CD109: variants seen among roughly 807,000 people sequenced by gnomAD.
The protein encoded by CD109 is CD109 antigen.
In CD109, 149 loss-of-function variants were observed where a neutral mutation model predicts 165.8. That is an observed-to-expected ratio of 0.90 (90% CI 0.79 to 1.03). CD109 has a LOEUF of 1.03. CD109 is among the 50% of genes least tolerant of loss of function. The probability of loss-of-function intolerance (pLI) is 0.00; values close to 1 mark genes in which losing one functional copy is unlikely to be tolerated. For missense variants in CD109, 1,712 were observed against 1,677.8 expected (o/e 1.02, Z -0.36); for synonymous variants, 585 against 592.1 (o/e 0.99, Z 0.18).
At chr6:73,802,289 G>GTATATATA (rs1554183442) in intron 23 of CD109, among the ~76,000 whole-genome samples, 31 of 78,198 alleles carry the variant, frequency 4.0e-4, no homozygotes, top group South Asian at 1.2e-3. Context: ...GTGTGTGTGT[G>GTATATATA]TATATATATA....
At chr6:73,696,894 A>G (rs918703591) in intron 1 of CD109, among the ~76,000 whole-genome samples, 2 of 152,236 alleles carry the variant, frequency 1.3e-5, no homozygotes, top group Admixed American at 1.3e-4. Flanking sequence ...TTCAAATGGT[A>G]TATTTCAATC....
At chr6:73,781,748 T>TACAC (rs71845700) in intron 17 of CD109, among the ~76,000 whole-genome samples, 3,994 of 145,658 alleles carry the variant, frequency 0.027, 151 homozygotes, top group African/African-American at 0.092. Flanking sequence ...AGTATTCTGG[T>TACAC]ACACACACAC....
chr6:73,679,914 C>T, the CD109 span, among the ~76,000 whole-genome samples: 2 of 152,082 alleles, frequency 1.3e-5, no homozygotes, highest in South Asian at 2.1e-4. Context: ...GGATTACAGG[C>T]GTGTGTGACT....
intron 15 of CD109, among the ~76,000 whole-genome samples, chr6:73,774,783 A>C (rs990757541): frequency 6.6e-6 from 1 of 152,102 alleles, no homozygotes; most frequent in Non-Finnish European, 1.5e-5. Context: ...CTTAGACTGA[A>C]GCGATGCACT....
At chr6:73,791,478 C>T (rs1241242594) in intron 22 of CD109, among the ~76,000 whole-genome samples, 3 of 151,794 alleles carry the variant, frequency 2.0e-5, no homozygotes, top group Admixed American at 6.6e-5. Flanking sequence ...CACACACACA[C>T]GCACACATAT....
At chr6:73,743,374 G>A (rs1055163594) in intron 5 of CD109, among the ~76,000 whole-genome samples, 1 of 152,174 alleles carries the variant, frequency 6.6e-6, no homozygotes, top group Non-Finnish European at 1.5e-5. Flanking sequence ...TCACTCTTCT[G>A]GAGCCCTGTA....
intron 2 of CD109, among the ~76,000 whole-genome samples, chr6:73,713,351 A>G (rs1771604237): frequency 6.6e-6 from 1 of 152,140 alleles, no homozygotes; most frequent in African/African-American, 2.4e-5. Context: ...CCAGCAAGAA[A>G]TAGGGGTGGG....
chr6:73,794,479 A>G (rs565931263), intron 23 of CD109, among the ~76,000 whole-genome samples: 20 of 152,324 alleles, frequency 1.3e-4, no homozygotes, highest in Non-Finnish European at 2.9e-5. Flanking sequence ...ACCAAAGGTT[A>G]GAATATGGGG....
At chr6:73,783,644 G>T in intron 18 of CD109, 63 bp from the exon 19 acceptor site, 1 of 926,036 alleles carries the variant, frequency 1.1e-6, no homozygotes, top group Non-Finnish European at 1.8e-6. Flanking sequence ...GATTATTTTG[G>T]CTTATTTCAA....
Position 73,792,781 on chromosome 6 carries a change from G to T in CD109, c.2857G>T (p.Ala953Ser). ...KQLTDNLKEK[A>S]LSFMRQGYQR... ...ACTGACAGATAATTTGAAAGAAAAA[G>T]CTCTTTCATTTATGAGGCAAGGTAA... The change falls in exon 23 of 33, where the codon GCT (alanine) becomes TCT (serine). Residue 953 changes from alanine (A) to serine (S), a missense_variant. Transcript: ENST00000287097. The T allele has an allele frequency of 6.2e-7, 1 of 1,609,272 alleles. No individual in the cohort carries two copies. Among genetic ancestry groups the T allele is most frequent in the Non-Finnish European group, 8.5e-7 (1 of 1,179,326 alleles).
At chr6:73,746,798 A>T (rs1772999062) in intron 5 of CD109, among the ~76,000 whole-genome samples, 1 of 152,140 alleles carries the variant, frequency 6.6e-6, no homozygotes, top group African/African-American at 2.4e-5. Context: ...ACTATGAGTG[A>T]CTGTCAGGTA....
At chr6:73,809,860 TGTATACAA>T in intron 26 of CD109, 116 bp from the exon 27 acceptor site, 3 of 633,674 alleles carry the variant, frequency 4.7e-6, no homozygotes, top group Non-Finnish European at 7.8e-6. Flanking sequence ...AATAAATACA[TGTATACAA>T]GTATATATTT....
the CD109 span, among the ~76,000 whole-genome samples, chr6:73,683,453 A>G: frequency 2.0e-5 from 3 of 152,170 alleles, no homozygotes; most frequent in South Asian, 6.2e-4. Context: ...GCATATCACT[A>G]TCAATATTTT....
chr6:73,775,769 G>A (rs1312077368), intron 15 of CD109, among the ~76,000 whole-genome samples: 1 of 152,150 alleles, frequency 6.6e-6, no homozygotes, highest in East Asian at 1.9e-4. Flanking sequence ...AGAACATGTG[G>A]TATTTGGTTT....
At chr6:73,777,625 G>A (rs1774301719) in intron 15 of CD109, among the ~76,000 whole-genome samples, 1 of 152,116 alleles carries the variant, frequency 6.6e-6, no homozygotes, top group African/African-American at 2.4e-5. Context: ...TCAGTCTTCT[G>A]CATATGGCTA....
the CD109 span, among the ~76,000 whole-genome samples, chr6:73,681,860 C>T: frequency 1.3e-5 from 2 of 152,192 alleles, 1 homozygote; most frequent in South Asian, 4.1e-4. Flanking sequence ...ACCTTAGCCT[C>T]CCAAAGTGCT....
chr6:73,746,448 T>G (rs886114491), intron 5 of CD109, among the ~76,000 whole-genome samples: 15 of 152,180 alleles, frequency 9.9e-5, no homozygotes, highest in African/African-American at 3.6e-4. Context: ...CTCCCTTGCT[T>G]GAGATAGGTG....
intron 2 of CD109, among the ~76,000 whole-genome samples, chr6:73,710,089 T>C (rs1458646532): frequency 1.3e-5 from 2 of 152,294 alleles, no homozygotes; most frequent in South Asian, 2.1e-4. Context: ...AGGTTCTGGC[T>C]AGGGCAATCA....
intron 1 of CD109, among the ~76,000 whole-genome samples, 196 bp from the exon 2 acceptor site, chr6:73,697,204 A>G (rs1272673046): frequency 6.6e-6 from 1 of 152,204 alleles, no homozygotes; most frequent in Non-Finnish European, 1.5e-5. Context: ...CTGCATTAAA[A>G]TTGATTTATG....
Sources: allele counts gnomAD v4.1 joint callset (sites outside exome capture counted in the v4.1 genomes callset), GRCh38; gene constraint gnomAD v4.1.1; transcripts MANE v1.5; gene names NCBI Gene and HGNC (gene_info 2026-07-23, HGNC 2026-07-21).